The following AKAP6 variants were observed in gnomAD, a reference collection of about 807,000 sequenced individuals.
AKAP6 encodes A-kinase anchoring protein 6, also known as A-kinase anchor protein 6.
A neutral mutation model predicts 188.5 loss-of-function variants in AKAP6; 58 were observed. That is an observed-to-expected ratio of 0.31 (90% CI 0.25 to 0.38). AKAP6 has a LOEUF of 0.38. Ranked by LOEUF, AKAP6 falls within the 10% of genes least tolerant of loss-of-function variation. The probability of loss-of-function intolerance (pLI) is 1.00; values close to 1 mark genes in which losing one functional copy is unlikely to be tolerated. For synonymous variants in AKAP6, 989 were observed against 998.6 expected (o/e 0.99, Z 0.18); for missense variants, 2,710 against 2,740.0 (o/e 0.99, Z 0.24).
At chr14:32,480,895 A>C (rs1044631564) in intron 2 of AKAP6, among the ~76,000 whole-genome samples, 1 of 152,192 alleles carries the variant, frequency 6.6e-6, no homozygotes, top group Non-Finnish European at 1.5e-5. Context: ...TATATGGTAA[A>C]GACACTTTAA....
chr14:32,640,630 C>A (rs962516050), intron 7 of AKAP6, among the ~76,000 whole-genome samples: 1 of 152,070 alleles, frequency 6.6e-6, no homozygotes, highest in Admixed American at 6.6e-5. Flanking sequence ...AAATAGAGAC[C>A]AACTTGCTCT....
At chr14:32,710,197 C>A (rs1169446941) in intron 9 of AKAP6, among the ~76,000 whole-genome samples, 2 of 146,240 alleles carry the variant, frequency 1.4e-5, no homozygotes, top group Middle Eastern at 3.5e-3. Flanking sequence ...AAAATGGACC[C>A]AAAAAAAAAA....
intron 7 of AKAP6, among the ~76,000 whole-genome samples, chr14:32,671,705 G>A (rs2139613511): frequency 6.6e-6 from 1 of 152,190 alleles, no homozygotes; most frequent in East Asian, 1.9e-4. Context: ...AGGAATAGCA[G>A]AGGACGTGCA....
chr14:32,717,640 T>C (rs2030297543), intron 9 of AKAP6, among the ~76,000 whole-genome samples: 6 of 149,088 alleles, frequency 4.0e-5, no homozygotes, highest in African/African-American at 1.5e-4. Context: ...ACACACATTC[T>C]GTTTCTCTTC....
intron 2 of AKAP6, among the ~76,000 whole-genome samples, chr14:32,510,743 A>G (rs1407845446): frequency 6.6e-6 from 1 of 152,198 alleles, no homozygotes; most frequent in South Asian, 2.1e-4. Context: ...TAACTTCAAG[A>G]TGGCCTCTTG....
chr14:32,747,863 TAG>T lies in AKAP6; in HGVS notation c.3372+11986_3372+11987del, dbSNP rs1472554984. On this transcript the variant is annotated intron_variant, in intron 11 of 13. Coordinates refer to ENST00000280979, the MANE Select transcript of AKAP6 (RefSeq NM_004274.5). Reference sequence around the variant, plus strand: ...AAGATGCTGAATGATTCCTATGAAGTAGAGAGTTCTGCCCTTGATTTGAGAAG... The same window carrying T: ...AAGATGCTGAATGATTCCTATGAAGTAGAGTTCTGCCCTTGATTTGAGAAG... Among the ~76,000 whole-genome samples the T allele has an allele frequency of 2.0e-5, 3 of 152,190 alleles. No homozygotes were observed. The East Asian group carries it at 5.8e-4, about 29-fold the overall frequency.
intron 5 of AKAP6, among the ~76,000 whole-genome samples, chr14:32,598,227 G>A (rs1885784268): frequency 6.6e-6 from 1 of 152,182 alleles, no homozygotes; most frequent in African/African-American, 2.4e-5. Flanking sequence ...GTACAGTGCA[G>A]TGCAGACCTT....
At chr14:32,618,306 A>G (rs1236595311) in intron 7 of AKAP6, among the ~76,000 whole-genome samples, 3 of 152,146 alleles carry the variant, frequency 2.0e-5, no homozygotes, top group African/African-American at 4.8e-5. Context: ...AGTAGTATAC[A>G]TTGTACCCAA....
intron 1 of AKAP6, among the ~76,000 whole-genome samples, chr14:32,380,335 G>A (rs941803108): frequency 3.9e-5 from 6 of 152,262 alleles, no homozygotes; most frequent in Non-Finnish European, 7.4e-5. Context: ...ATGATCGAGC[G>A]ACCTGTGGTA....
intron 1 of AKAP6, chr14:32,403,430 G>A (rs1240046236): frequency 6.6e-6 from 1 of 152,204 alleles, no homozygotes; most frequent in African/African-American, 2.4e-5. Flanking sequence ...GAATTCATGT[G>A]CTGTGATTAG....
At chr14:32,753,518 A>G (rs553846173) in intron 11 of AKAP6, among the ~76,000 whole-genome samples, 1 of 152,142 alleles carries the variant, frequency 6.6e-6, no homozygotes, top group East Asian at 1.9e-4. Context: ...AGAGCTTTTT[A>G]GTTTGATGTA....
intron 11 of AKAP6, among the ~76,000 whole-genome samples, chr14:32,742,316 C>G (rs1038879034): frequency 2.7e-5 from 4 of 147,752 alleles, no homozygotes; most frequent in African/African-American, 7.4e-5. Context: ...AAAAAAATGA[C>G]TTTTTATTTC....
chr14:32,570,422 G>A (rs1195141204), intron 4 of AKAP6, among the ~76,000 whole-genome samples: 1 of 151,930 alleles, frequency 6.6e-6, no homozygotes, highest in Non-Finnish European at 1.5e-5. Flanking sequence ...GATTACAGGT[G>A]TGAGCCACTG....
rs187168456 is a variant in AKAP6 at position 32,547,556 on chromosome 14, T to A, written c.2346+557T>A. Among the ~76,000 whole-genome samples the A allele has an allele frequency of 3.1e-3, 474 of 152,296 alleles. 1 individual carries two copies. The highest frequency in any genetic ancestry group is 5.4e-3 in the Non-Finnish European group (366 of 68,028). Reference sequence around the variant, plus strand: ...ACCTATACATGTACCACCCATGGACTCTGGGATGTGAAGTTGACATTTTGG... The same window carrying A: ...ACCTATACATGTACCACCCATGGACACTGGGATGTGAAGTTGACATTTTGG... On this transcript the variant is annotated intron_variant, in intron 4 of 13. Transcript: ENST00000280979.
chr14:32,416,943 C>T (rs28588880), intron 1 of AKAP6, among the ~76,000 whole-genome samples: 1,749 of 152,224 alleles, frequency 0.011, 24 homozygotes, highest in African/African-American at 0.033. Context: ...TGGGTTCAAC[C>T]GACTCTCATG....
intron 9 of AKAP6, among the ~76,000 whole-genome samples, chr14:32,710,044 A>T (rs1018164405): frequency 3.9e-5 from 6 of 152,072 alleles, no homozygotes; most frequent in Admixed American, 6.6e-5. Flanking sequence ...GGATTTCTCC[A>T]TCAGGTTTTT....
At chr14:32,662,255 C>A (rs780075702) in intron 7 of AKAP6, among the ~76,000 whole-genome samples, 51 of 152,044 alleles carry the variant, frequency 3.4e-4, no homozygotes, top group Non-Finnish European at 6.9e-4. Context: ...GGGATTCTGA[C>A]TAACAGTAGA....
chr14:32,699,956 G>C (rs928614816), intron 9 of AKAP6, among the ~76,000 whole-genome samples: 1 of 152,174 alleles, frequency 6.6e-6, no homozygotes, highest in African/African-American at 2.4e-5. Context: ...TGGTCTGCAT[G>C]TGCATTAACT....
chr14:32,734,652 T>C (rs935742091), intron 10 of AKAP6: 2 of 152,260 alleles, frequency 1.3e-5, no homozygotes, highest in Middle Eastern at 3.4e-3. Context: ...GCTGCTACTT[T>C]TGTTACAGCG....
Sources: allele counts gnomAD v4.1 joint callset (sites outside exome capture counted in the v4.1 genomes callset), GRCh38; gene constraint gnomAD v4.1.1; transcripts MANE v1.5; gene names NCBI Gene and HGNC (gene_info 2026-07-23, HGNC 2026-07-21).